The following SYCP2 variants were observed in gnomAD, a reference collection of about 807,000 sequenced individuals.
The protein encoded by SYCP2 is synaptonemal complex lateral element protein.
Under a neutral mutation model 211.3 loss-of-function variants are expected in SYCP2, and 55 were observed. The ratio of observed to expected loss-of-function variants is 0.26; its 90% CI spans 0.21 to 0.33. The LOEUF is 0.33. SYCP2 is among the 10% of genes least tolerant of loss of function. The pLI is 1.00. For synonymous variants in SYCP2, 570 were observed against 555.2 expected (o/e 1.03, Z -0.37); for missense variants, 1,731 against 1,752.0 (o/e 0.99, Z 0.21).
intron 13 of SYCP2, 143 bp downstream of exon 13, chr20:59,912,230 G>A (rs889841398): frequency 2.0e-6 from 1 of 497,110 alleles, no homozygotes; most frequent in East Asian, 4.2e-5. Context: ...TGGTTTCACT[G>A]TCAGATACAG....
At chr20:59,876,780 C>T (rs2059569084) in intron 33 of SYCP2, among the ~76,000 whole-genome samples, 1 of 152,000 alleles carries the variant, frequency 6.6e-6, no homozygotes, top group Non-Finnish European at 1.5e-5. Context: ...TATACACATA[C>T]ACTATACTAA....
rs1480156057 is a variant in SYCP2 at position 59,912,355 on chromosome 20, G to A, written c.876+18C>T. ...ATTCATGCAATAACTAAAATAATGT[G>A]TTAAATTAAAATTTTACCTCATATT... On this transcript the variant is annotated intron_variant, in intron 13 of 44. Coordinates refer to ENST00000357552, the MANE Select transcript of SYCP2 (RefSeq NM_014258.4). 2 of 938,596 alleles carry A rather than the reference G, an allele frequency of 2.1e-6. No individual in the cohort carries two copies. The highest frequency in any genetic ancestry group is 2.9e-5 in the East Asian group (1 of 34,544). 58.1% of individuals were successfully genotyped at this position (938,596 alleles called of 1,614,324 possible).
At chr20:59,930,642 C>T (rs2060721328) in intron 2 of SYCP2, among the ~76,000 whole-genome samples, 1 of 152,032 alleles carries the variant, frequency 6.6e-6, no homozygotes, top group South Asian at 2.1e-4. Context: ...TAGATCTAGA[C>T]ATGAACTACG....
Position 59,867,736 on chromosome 20 carries a change from T to C in SYCP2, c.4100A>G (p.Asn1367Ser). 1.2e-6 allele frequency: 2 copies of C among 1,608,804 alleles called. No homozygotes were observed. Among genetic ancestry groups the C allele is most frequent in the Non-Finnish European group, 1.7e-6 (2 of 1,176,412 alleles). The change falls in exon 39 of 45, where the codon AAT becomes AGT. Residue 1367 changes from asparagine to serine, a missense_variant. By Grantham distance (46) the Asn-to-Ser change is conservative. Coordinates refer to ENST00000357552, the MANE Select transcript of SYCP2 (RefSeq NM_014258.4). ...ATTATTCCTTCTCTTAAATTCTGAA[T>C]TGAGCCTCTCGTAAGTCTCATAAGT... is the stretch of plus-strand genomic sequence containing the variant. ...EMTYETYERL[N>S]SEFKRRNNIR...
intron 7 of SYCP2, among the ~76,000 whole-genome samples, chr20:59,917,979 A>G (rs529442074): frequency 1.3e-5 from 2 of 152,222 alleles, no homozygotes; most frequent in South Asian, 4.1e-4. Flanking sequence ...TTATTAAAAC[A>G]GTAGTGTCAA....
intron 38 of SYCP2, 133 bp from the exon 39 acceptor site, chr20:59,867,980 A>G: frequency 1.6e-6 from 1 of 633,912 alleles, no homozygotes; most frequent in Non-Finnish European, 2.6e-6. Flanking sequence ...AATCAAAGGC[A>G]GAAGAGTTCC....
chr20:59,924,712 C>T (rs149888975), intron 2 of SYCP2, among the ~76,000 whole-genome samples: 81 of 151,860 alleles, frequency 5.3e-4, no homozygotes, highest in African/African-American at 1.9e-3. Flanking sequence ...TAAAGGGCTA[C>T]AAAACAGTTG....
At chr20:59,925,790 G>T (rs527399512) in intron 2 of SYCP2, among the ~76,000 whole-genome samples, 1 of 151,994 alleles carries the variant, frequency 6.6e-6, no homozygotes, top group Non-Finnish European at 1.5e-5. Context: ...GCTCCCAAAT[G>T]CATGTAGGTA....
chr20:59,876,814 T>G (rs146410245), intron 33 of SYCP2, among the ~76,000 whole-genome samples: 81 of 152,226 alleles, frequency 5.3e-4, no homozygotes, highest in African/African-American at 1.9e-3. Context: ...GTATATATAT[T>G]TTTCCCATAA....
intron 14 of SYCP2, 111 bp downstream of exon 14, chr20:59,911,639 A>C: frequency 2.3e-6 from 1 of 434,050 alleles, no homozygotes; most frequent in Admixed American, 4.4e-5. Context: ...CTAATATTAA[A>C]ATCTAGGTAA....
chr20:59,902,441 T>C (rs952064878), intron 15 of SYCP2, among the ~76,000 whole-genome samples: 2 of 152,124 alleles, frequency 1.3e-5, no homozygotes, highest in African/African-American at 2.4e-5. Context: ...ACCTGTATTA[T>C]AGACCAGAGG....
rs564144431 is a variant in SYCP2, at chr20:59,863,597, A to C, written c.*714T>G. 8 of 152,162 alleles carry C rather than the reference A, an allele frequency of 5.3e-5. No homozygotes were observed. The South Asian group carries it at 1.7e-3, about 31-fold the overall frequency. The allele number at this position is 152,162 out of a possible 1,614,324, so 9.4% of individuals were successfully genotyped here. On this transcript the variant is annotated 3_prime_UTR_variant, in exon 45 of 45. Coordinates refer to ENST00000357552, the MANE Select transcript of SYCP2 (RefSeq NM_014258.4). The stretch of plus-strand genomic sequence containing the variant: ...TTATATTTATTCAAGTGACATAAGC[A>C]TTTATTTCAACTTCATTAAAAGCAA...
rs765831370 is a variant in SYCP2 at position 59,891,984 on chromosome 20, G to C, written c.2364+6C>G. 5.7e-6 allele frequency: 9 copies of C among 1,572,558 alleles called. No homozygotes were observed. The South Asian group carries it at 1.1e-4, about 19-fold the overall frequency. On this transcript the variant is annotated splice_donor_region_variant and intron_variant, in intron 24 of 44. Transcript: ENST00000357552. ...ATGCAGAAATCAAAACACATTGAAA[G>C]CTCACCATTTTTTTTTGTTTCGAAT...
chr20:59,918,834 G>A (rs1278227802), intron 7 of SYCP2, among the ~76,000 whole-genome samples: 1 of 152,060 alleles, frequency 6.6e-6, no homozygotes, highest in African/African-American at 2.4e-5. Context: ...CTCGCAAAAA[G>A]AATGCAAGTT....
At chr20:59,917,779 G>A (rs1043505301) in intron 7 of SYCP2, among the ~76,000 whole-genome samples, 1 of 152,140 alleles carries the variant, frequency 6.6e-6, no homozygotes, top group Non-Finnish European at 1.5e-5. Flanking sequence ...CTTGGCACAA[G>A]CAGGCCACAA....
chr20:59,871,732 C>T (rs934028666), intron 35 of SYCP2, among the ~76,000 whole-genome samples: 4 of 152,000 alleles, frequency 2.6e-5, no homozygotes, highest in African/African-American at 9.6e-5. Flanking sequence ...CTCCCATATA[C>T]ATAAGTAATC....
chr20:59,924,955 T>C (rs2060608218), intron 2 of SYCP2, among the ~76,000 whole-genome samples: 1 of 151,666 alleles, frequency 6.6e-6, no homozygotes, highest in Non-Finnish European at 1.5e-5. Context: ...ATAAGAAATA[T>C]AACAAAACCT....
At chr20:59,923,724 T>C (rs2060582708) in intron 2 of SYCP2, among the ~76,000 whole-genome samples, 1 of 151,726 alleles carries the variant, frequency 6.6e-6, no homozygotes, top group African/African-American at 2.4e-5. Flanking sequence ...AAAGAATGCA[T>C]GTCATCATTT....
Position 59,915,447 on chromosome 20 carries a change from A to AT in SYCP2, c.599+17dup. 6.7e-7 allele frequency: 1 copy of AT among 1,488,810 alleles called. No individual in the cohort carries two copies. Among genetic ancestry groups the AT allele is most frequent in the Non-Finnish European group, 9.3e-7 (1 of 1,070,964 alleles). The allele number at this position is 1,488,810 out of a possible 1,614,324, so 92.2% of individuals were successfully genotyped here. ...TATGGATTTTAAGAATAAAAACCAT[A>AT]TAAGTACAGATTATTACATGAGAAT... On this transcript the variant is annotated intron_variant, in intron 9 of 44. Coordinates refer to ENST00000357552, the MANE Select transcript of SYCP2 (RefSeq NM_014258.4).
Sources: allele counts gnomAD v4.1 joint callset (sites outside exome capture counted in the v4.1 genomes callset), GRCh38; gene constraint gnomAD v4.1.1; transcripts MANE v1.5; gene names NCBI Gene and HGNC (gene_info 2026-07-23, HGNC 2026-07-21).